The following DCC variants were observed in gnomAD, a reference collection of about 807,000 sequenced individuals.
The protein encoded by DCC is netrin receptor DCC.
Under a neutral mutation model 172.5 loss-of-function variants are expected in DCC, and 58 were observed. That is an observed-to-expected ratio of 0.34 (90% CI 0.27 to 0.42). DCC has a LOEUF of 0.42. Among genes scored for constraint, DCC ranks in the 10% least tolerant of loss-of-function variants. DCC has a pLI of 1.00. For missense variants in DCC, 1,740 were observed against 1,791.0 expected (o/e 0.97, Z 0.51); for synonymous variants, 709 against 644.5 (o/e 1.10, Z -1.52).
At position 53,395,962 on chromosome 18, in the gene DCC, C is replaced by A. The variant is rs376917021; in HGVS notation, c.2689-1346C>A. Among the ~76,000 whole-genome samples, 31 of 152,208 alleles carry A rather than the reference C, an allele frequency of 2.0e-4. No individual in the cohort carries two copies. The South Asian group carries it at 5.8e-3, about 29-fold the overall frequency. On this transcript the variant is annotated intron_variant, in intron 17 of 28. Transcript: ENST00000442544. ...CAACCTACAATTATTTTTAAGAAGA[C>A]TTCTGATAAATATTTGAGGTCATCA...
intron 5 of DCC, among the ~76,000 whole-genome samples, chr18:52,983,930 A>G (rs1477643015): frequency 6.6e-6 from 1 of 152,102 alleles, no homozygotes; most frequent in African/African-American, 2.4e-5. Flanking sequence ...TTCATATGGC[A>G]CTGAGCTGAG....
At chr18:53,186,582 T>C (rs958793218) in intron 9 of DCC, among the ~76,000 whole-genome samples, 5 of 152,204 alleles carry the variant, frequency 3.3e-5, no homozygotes, top group Non-Finnish European at 7.3e-5. Flanking sequence ...ACATGTGTAT[T>C]GAAGCACTCC....
rs766827593 is a variant in DCC at position 53,157,327 on chromosome 18, T to G, written c.1262-29T>G. The G allele has an allele frequency of 3.1e-6, 5 of 1,613,700 alleles. No homozygotes were observed. The African/African-American group carries it at 5.3e-5, about 17-fold the overall frequency. ...AATTCTTACCTATGGCAGCGACACC[T>G]CTGATAGCCTCCTCTTCTTTCTCCT... On this transcript the variant is annotated intron_variant, in intron 7 of 28. Coordinates refer to ENST00000442544, the MANE Select transcript of DCC (RefSeq NM_005215.4).
chr18:53,233,544 T>C (rs2056154656), intron 12 of DCC, among the ~76,000 whole-genome samples: 1 of 152,166 alleles, frequency 6.6e-6, no homozygotes, highest in South Asian at 2.1e-4. Flanking sequence ...AACATATTTA[T>C]CATATTTTCA....
At chr18:53,469,944 G>C (rs887168220) in intron 25 of DCC, among the ~76,000 whole-genome samples, 27 of 152,066 alleles carry the variant, frequency 1.8e-4, no homozygotes, top group Admixed American at 1.8e-3. Context: ...AGTTGACATA[G>C]GTTCTCACTT....
chr18:52,610,815 T>C (rs1295591691), intron 1 of DCC, among the ~76,000 whole-genome samples: 2 of 151,632 alleles, frequency 1.3e-5, no homozygotes, highest in African/African-American at 4.8e-5. Context: ...AGTTACAAAA[T>C]CTTCTTTTGA....
intron 2 of DCC, among the ~76,000 whole-genome samples, chr18:52,851,093 A>C (rs1034394458): frequency 1.3e-5 from 2 of 152,132 alleles, no homozygotes; most frequent in African/African-American, 4.8e-5. Context: ...ATAGTCTACC[A>C]GTATCTTACG....
chr18:53,397,264 A>G (rs1341337328), intron 17 of DCC, 44 bp from the exon 18 acceptor site: 6 of 1,577,168 alleles, frequency 3.8e-6, no homozygotes, highest in Non-Finnish European at 5.2e-6. Context: ...TACCAAGTTG[A>G]TAGAGTTTAT....
At chr18:53,524,185 G>A (rs1030128990) in intron 27 of DCC, among the ~76,000 whole-genome samples, 1 of 151,666 alleles carries the variant, frequency 6.6e-6, no homozygotes, top group Non-Finnish European at 1.5e-5. Context: ...ATGTTAAATA[G>A]CTTGATTTAG....
chr18:52,515,383 G>A (rs1339161631), intron 1 of DCC, among the ~76,000 whole-genome samples: 1 of 151,732 alleles, frequency 6.6e-6, no homozygotes, highest in Non-Finnish European at 1.5e-5. Flanking sequence ...CCAGGCGGGT[G>A]GATCACAAGG....
intron 22 of DCC, among the ~76,000 whole-genome samples, chr18:53,442,385 G>A (rs1161607303): frequency 3.3e-5 from 5 of 152,112 alleles, no homozygotes; most frequent in African/African-American, 4.8e-5. Context: ...TGTGATCAGT[G>A]ATCTTTGACA....
intron 15 of DCC, among the ~76,000 whole-genome samples, chr18:53,349,287 A>G (rs2057760616): frequency 6.6e-6 from 1 of 152,150 alleles, no homozygotes; most frequent in African/African-American, 2.4e-5. Context: ...GTTCCCAACA[A>G]GTTCCTCATT....
chr18:52,385,237 C>A (rs1985747169), intron 1 of DCC, among the ~76,000 whole-genome samples: 1 of 152,058 alleles, frequency 6.6e-6, no homozygotes, highest in Admixed American at 6.6e-5. Context: ...ATGAAATAGC[C>A]AGCAAGGCTT....
chr18:52,926,270 T>G (rs12959504), intron 5 of DCC, among the ~76,000 whole-genome samples: 59,473 of 151,652 alleles, frequency 0.39, 12,263 homozygotes, highest in Non-Finnish European at 0.47. Flanking sequence ...TTCCATCCAT[T>G]TTGCTTTTTG....
chr18:52,493,340 C>T (rs376605801), intron 1 of DCC, among the ~76,000 whole-genome samples: 4 of 151,888 alleles, frequency 2.6e-5, no homozygotes, highest in African/African-American at 9.7e-5. Context: ...TTTGTAAACT[C>T]ATCTTTTTTT....
At chr18:53,222,507 C>T (rs1274617939) in intron 12 of DCC, among the ~76,000 whole-genome samples, 1 of 150,738 alleles carries the variant, frequency 6.6e-6, no homozygotes, top group Non-Finnish European at 1.5e-5. Flanking sequence ...GTCTCAGCCT[C>T]CTGAGTAGCT....
chr18:52,995,389 A>T (rs1018047469), intron 5 of DCC, among the ~76,000 whole-genome samples: 3 of 152,120 alleles, frequency 2.0e-5, no homozygotes, highest in African/African-American at 7.2e-5. Context: ...CATAATCTTG[A>T]GAAGTAACTT....
Position 53,483,958 on chromosome 18 carries a change from C to CATAGATAGATAG in DCC, c.3737-2795_3737-2784dup, listed in dbSNP as rs56285631. On this transcript the variant is annotated intron_variant, in intron 25 of 28. Coordinates refer to ENST00000442544, the MANE Select transcript of DCC (RefSeq NM_005215.4). ...ACTGTGAAACCTTTGCCTATGTTTG[C>CATAGATAGATAG]ATAGATAGATAGATAGATAGATAGA... Among the ~76,000 whole-genome samples the CATAGATAGATAG allele has an allele frequency of 1.8e-4, 26 of 144,668 alleles. 1 individual carries two copies. The highest frequency in any genetic ancestry group is 2.6e-4 in the Non-Finnish European group (17 of 65,932). The allele number at this position is 144,668 out of a possible 152,430, so 94.9% of individuals were successfully genotyped here.
At chr18:52,751,701 T>G (rs978941490) in intron 1 of DCC, among the ~76,000 whole-genome samples, 17 of 152,194 alleles carry the variant, frequency 1.1e-4, no homozygotes, top group African/African-American at 3.6e-4. Context: ...ACCACACTAA[T>G]AACTATTGCT....
Sources: gnomAD v4.1 joint callset for allele counts (sites outside exome capture counted in the v4.1 genomes callset) on GRCh38, gnomAD v4.1.1 for gene constraint, MANE v1.5 for transcripts, NCBI Gene and HGNC (gene_info 2026-07-23, HGNC 2026-07-21) for gene names.